The following GARRE1 variants were observed in gnomAD, a reference collection of about 807,000 sequenced individuals.
The protein encoded by GARRE1 is granule associated Rac and RHOG effector protein 1.
A neutral mutation model predicts 103.2 loss-of-function variants in GARRE1; 49 were observed. That is an observed-to-expected ratio of 0.47 (90% CI 0.38 to 0.60). The LOEUF (loss-of-function observed/expected upper bound fraction) is 0.60. GARRE1 is among the 20% of genes least tolerant of loss of function. GARRE1 has a pLI of 0.00. For missense variants in GARRE1, 1,199 were observed against 1,370.5 expected, an observed-to-expected ratio of 0.87 and a Z score of 1.98; for synonymous variants, 505 against 532.8, an observed-to-expected ratio of 0.95 and a Z score of 0.72.
chr19:34,319,783 A>C, intron 2 of GARRE1, 124 bp from the exon 3 acceptor site: 4 of 833,800 alleles, frequency 4.8e-6, no homozygotes, highest in Non-Finnish European at 8.0e-6. Flanking sequence ...TGGCCTTTTA[A>C]CTTTGTATGA....
At chr19:34,288,672 T>A (rs1032131742) in intron 1 of GARRE1, among the ~76,000 whole-genome samples, 2 of 152,224 alleles carry the variant, frequency 1.3e-5, no homozygotes, top group African/African-American at 4.8e-5. Context: ...CCAAAGGGCT[T>A]TGAAGGGAGG....
intron 1 of GARRE1, among the ~76,000 whole-genome samples, chr19:34,270,994 T>A (rs1366306752): frequency 1.3e-5 from 2 of 152,114 alleles, no homozygotes; most frequent in African/African-American, 4.8e-5. Flanking sequence ...TTGCCAGATG[T>A]TGGTAGGGCA....
In GARRE1 at chr19:34,282,202, A is replaced by G. The variant is rs568859716; in HGVS notation, c.-795-17477A>G. Among the ~76,000 whole-genome samples the G allele has an allele frequency of 2.0e-5, 3 of 150,324 alleles. No homozygotes were observed. In the East Asian group the frequency reaches 5.9e-4, roughly 30 times the overall value. Reference sequence around the variant, plus strand: ...GTCTTGCTCTGTTGCCTAGAGCTGGAATGCAATAGTGCGATCTCGGCTCAC... The same window carrying G: ...GTCTTGCTCTGTTGCCTAGAGCTGGGATGCAATAGTGCGATCTCGGCTCAC... On this transcript the variant is annotated intron_variant, in intron 1 of 13. Transcript: ENST00000299505.
chr19:34,254,667 G>C (rs889048280), intron 1 of GARRE1, 53 bp downstream of exon 1: 4 of 146,476 alleles, frequency 2.7e-5, no homozygotes, highest in Non-Finnish European at 4.6e-5. Flanking sequence ...GGGGTCGGGC[G>C]GTGGGCGGTG....
intron 1 of GARRE1, among the ~76,000 whole-genome samples, chr19:34,275,791 G>A (rs1429992443): frequency 6.6e-6 from 1 of 152,128 alleles, no homozygotes; most frequent in Non-Finnish European, 1.5e-5. Context: ...ACCATTTGAG[G>A]AACTGCCACT....
At chr19:34,255,509 G>T (rs1242841614) in intron 1 of GARRE1, among the ~76,000 whole-genome samples, 2 of 152,156 alleles carry the variant, frequency 1.3e-5, no homozygotes, top group Non-Finnish European at 1.5e-5. Flanking sequence ...CTACCATTCA[G>T]TGACAACCAC....
intron 8 of GARRE1, among the ~76,000 whole-genome samples, chr19:34,339,085 G>A (rs1228917606): frequency 6.6e-6 from 1 of 152,196 alleles, no homozygotes; most frequent in Non-Finnish European, 1.5e-5. Flanking sequence ...GAGAGGGTGT[G>A]TAAGTTTTGG....
chr19:34,310,456 C>T (rs1402262739), intron 2 of GARRE1, among the ~76,000 whole-genome samples: 2 of 152,254 alleles, frequency 1.3e-5, no homozygotes, highest in African/African-American at 4.8e-5. Context: ...TGAGAACAGG[C>T]TGTCTTGCCC....
rs199573444 is a variant in GARRE1 at position 34,342,373 on chromosome 19, T to A, written c.2439T>A (p.Pro813=). ...TTCTGGGACAGAAGCCGCAGGGACCTAGAAATAACACCTGGCCCAACCGTG... is the reference window on the plus strand; with the variant it reads ...TTCTGGGACAGAAGCCGCAGGGACCAAGAAATAACACCTGGCCCAACCGTG... ...SEVLGQKPQG[P]RNNTWPNRDQ... is the part of the protein sequence containing the mutation. The change falls in exon 10 of 14, where the codon CCT becomes CCA. Residue 813 remains proline (P), a synonymous_variant. Transcript: ENST00000299505. 2.2e-5 allele frequency: 35 copies of A among 1,614,170 alleles called. No individual in the cohort carries two copies. In the East Asian group the frequency reaches 7.6e-4, roughly 35 times the overall value.
At chr19:34,347,309 C>T (rs2074215967) in intron 10 of GARRE1, among the ~76,000 whole-genome samples, 1 of 152,052 alleles carries the variant, frequency 6.6e-6, no homozygotes, top group Non-Finnish European at 1.5e-5. Flanking sequence ...TCAGACTGGT[C>T]TTGAACTCTT....
chr19:34,306,655 A>G (rs768324787), intron 2 of GARRE1, among the ~76,000 whole-genome samples: 3 of 152,334 alleles, frequency 2.0e-5, no homozygotes, highest in Non-Finnish European at 2.9e-5. Context: ...ACACTGGTAC[A>G]TCAGCCTAGG....
In GARRE1 at chr19:34,347,888, C is replaced by G. The variant is rs768978730; in HGVS notation, c.2533C>G (p.Pro845Ala). The change falls in exon 11 of 14, where the codon CCA becomes GCA. Residue 845 changes from proline to alanine, a missense_variant. Transcript: ENST00000299505. ...LPFDPAVGSD[P>A]EFARYVAGVS... ...TTGTCCCAATGCAGTGGGCTCAGAC[C>G]CAGAGTTTGCACGCTATGTGGCAGG... is the stretch of plus-strand genomic sequence containing the variant. The G allele has an allele frequency of 3.2e-6, 5 of 1,561,236 alleles. No individual in the cohort carries two copies. The East Asian group carries it at 1.2e-4, about 38-fold the overall frequency.
chr19:34,322,678 C>T (rs1006922652), intron 3 of GARRE1, among the ~76,000 whole-genome samples: 1 of 151,940 alleles, frequency 6.6e-6, no homozygotes, highest in Non-Finnish European at 1.5e-5. Flanking sequence ...CCCTCTGCCT[C>T]CCGGGTTCAA....
intron 1 of GARRE1, among the ~76,000 whole-genome samples, chr19:34,297,517 C>T (rs539068809): frequency 5.8e-4 from 89 of 152,206 alleles, no homozygotes; most frequent in African/African-American, 2.0e-3. Context: ...GAGGCAGCCG[C>T]GGTAGAGGAA....
rs1325373269 is a variant in GARRE1 at position 34,330,490 on chromosome 19, CA to C, written c.1263+145del. 5.2e-6 allele frequency: 4 copies of C among 775,716 alleles called. No homozygotes were observed. The East Asian group carries it at 8.2e-5, about 16-fold the overall frequency. 48.1% of individuals were successfully genotyped at this position (775,716 alleles called of 1,614,324 possible). A position where few individuals can be genotyped will look rare whatever the true frequency, so the allele number is the denominator to read the frequency against. On this transcript the variant is annotated intron_variant, in intron 7 of 13. Transcript: ENST00000299505. ...GTGGAATTTAGACCAGGCAGGTAGA[CA>C]AGGTAAAGGAAGAGCAGCATTTAAA... is the stretch of plus-strand genomic sequence containing the variant.
intron 1 of GARRE1, among the ~76,000 whole-genome samples, chr19:34,284,868 A>G (rs1052692368): frequency 1.3e-5 from 2 of 152,204 alleles, no homozygotes; most frequent in Non-Finnish European, 2.9e-5. Flanking sequence ...TTTAGACAGC[A>G]TTAAGAAGAA....
chr19:34,298,236 C>G (rs958677251), intron 1 of GARRE1, among the ~76,000 whole-genome samples: 12 of 149,984 alleles, frequency 8.0e-5, no homozygotes, highest in Admixed American at 7.9e-4. Flanking sequence ...GGCAACATGG[C>G]GAAACCTCGT....
intron 2 of GARRE1, among the ~76,000 whole-genome samples, chr19:34,309,133 C>G (rs1339450490): frequency 6.6e-6 from 1 of 151,704 alleles, no homozygotes; most frequent in Non-Finnish European, 1.5e-5. Context: ...TGAATCCAGT[C>G]TACAGGAAAT....
chr19:34,263,440 G>A (rs1424540270), intron 1 of GARRE1, among the ~76,000 whole-genome samples: 2 of 151,738 alleles, frequency 1.3e-5, no homozygotes, highest in Middle Eastern at 3.4e-3. Context: ...ATTTTGTATG[G>A]TGTGAATTTT....
Sources: gnomAD v4.1 joint callset for allele counts (sites outside exome capture counted in the v4.1 genomes callset) on GRCh38, gnomAD v4.1.1 for gene constraint, MANE v1.5 for transcripts, NCBI Gene and HGNC (gene_info 2026-07-23, HGNC 2026-07-21) for gene names.